The following RYK variants were observed in gnomAD, a reference collection of about 807,000 sequenced individuals.
RYK encodes receptor like tyrosine kinase.
In RYK, 21 loss-of-function variants were observed where a neutral mutation model predicts 70.2. That is an observed-to-expected ratio of 0.30 (90% confidence interval 0.21 to 0.43). The LOEUF (loss-of-function observed/expected upper bound fraction) is 0.43, where lower values mean the gene tolerates loss of function less well. RYK is among the 20% of genes least tolerant of loss of function. RYK has a pLI of 1.00. For missense variants in RYK, 604 were observed against 753.3 expected (o/e 0.80, Z 2.32); for synonymous variants, 267 against 278.0 (o/e 0.96, Z 0.39).
chr3:134,159,731 T>A (rs1202193746), intron 13 of RYK, among the ~76,000 whole-genome samples: 23 of 152,200 alleles, frequency 1.5e-4, no homozygotes, highest in Admixed American at 9.8e-4. Flanking sequence ...ATGAACAGAA[T>A]TTTAGTTTAA....
chr3:134,211,313 G>A (rs1354092760), intron 3 of RYK, among the ~76,000 whole-genome samples, 195 bp downstream of exon 3: 1 of 152,202 alleles, frequency 6.6e-6, no homozygotes, highest in Non-Finnish European at 1.5e-5. Flanking sequence ...AGCACAGAGA[G>A]TTCCAGAAGG....
chr3:134,250,430 C>T lies in RYK; in HGVS notation c.225G>A (p.Arg75=). ...SLYLSEDEVR[R]LIGLDAELYY... Reference sequence around the variant, plus strand: ...CTCGGCGGCCCCACTCACCGATCAGCCGGCGCACCTCGTCCTCGCTCAGGT... The same window carrying T: ...CTCGGCGGCCCCACTCACCGATCAGTCGGCGCACCTCGTCCTCGCTCAGGT... The change falls in exon 1 of 15, where the codon CGG becomes CGA. Residue 75 remains arginine (R), a synonymous_variant. Transcript: ENST00000623711. The T allele has an allele frequency of 7.1e-7, 1 of 1,405,208 alleles. No individual in the cohort carries two copies. The highest frequency in any genetic ancestry group is 9.3e-7 in the Non-Finnish European group (1 of 1,077,356). The allele number at this position is 1,405,208 out of a possible 1,614,324, so 87.0% of individuals were successfully genotyped here.
At chr3:134,178,977 T>C (rs2013203388) in intron 10 of RYK, 1 of 152,106 alleles carries the variant, frequency 6.6e-6, no homozygotes. Context: ...TAATAACAAA[T>C]AACAGTAACA....
At chr3:134,220,202 CAAAG>C (rs1477302465) in intron 2 of RYK, among the ~76,000 whole-genome samples, 4 of 152,048 alleles carry the variant, frequency 2.6e-5, no homozygotes, top group African/African-American at 9.7e-5. Context: ...TCAAAAAACA[CAAAG>C]AAAGGCTACG....
In RYK at chr3:134,222,439, G is replaced by C; in HGVS notation, c.333C>G (p.Phe111Leu). Residue 111 changes from phenylalanine to leucine, a missense_variant, in exon 2 of 15, where the codon TTC (phenylalanine) becomes TTG (leucine). Transcript: ENST00000623711. Reference sequence around the variant, plus strand: ...TTACCTTGGACTTCGCATGCCAGGTGAAGTGCAGGAAATTTGTCTCACTGG... The same window carrying C: ...TTACCTTGGACTTCGCATGCCAGGTCAAGTGCAGGAAATTTGTCTCACTGG... ...LVPSETNFLH[F>L]TWHAKSKVEY... The C allele has an allele frequency of 6.2e-7, 1 of 1,613,304 alleles. No individual in the cohort carries two copies. Among genetic ancestry groups the C allele is most frequent in the Non-Finnish European group, 8.5e-7 (1 of 1,179,718 alleles).
intron 2 of RYK, 38 bp from the exon 3 acceptor site, chr3:134,211,645 A>G: frequency 7.2e-7 from 1 of 1,390,344 alleles, no homozygotes; most frequent in Non-Finnish European, 1.0e-6. Context: ...TGGACCTGTG[A>G]TAACAAGAAG....
At chr3:134,201,317 G>T (rs1044794354) in intron 6 of RYK, among the ~76,000 whole-genome samples, 2 of 152,100 alleles carry the variant, frequency 1.3e-5, no homozygotes, top group Non-Finnish European at 2.9e-5. Context: ...GAGTACTAAG[G>T]GGCAGGTATT....
intron 2 of RYK, among the ~76,000 whole-genome samples, chr3:134,217,451 C>A (rs1451752963): frequency 1.3e-5 from 2 of 152,158 alleles, no homozygotes; most frequent in Non-Finnish European, 2.9e-5. Context: ...AAGCAAATCC[C>A]TTTCCAAATC....
intron 5 of RYK, among the ~76,000 whole-genome samples, chr3:134,205,598 T>C (rs1047760778): frequency 6.6e-6 from 1 of 152,182 alleles, no homozygotes; most frequent in Non-Finnish European, 1.5e-5. Flanking sequence ...TCCCCCTAGA[T>C]GCGCCCTGCT....
intron 6 of RYK, among the ~76,000 whole-genome samples, chr3:134,200,352 C>G (rs2013964750): frequency 6.6e-6 from 1 of 152,136 alleles, no homozygotes; most frequent in Non-Finnish European, 1.5e-5. Flanking sequence ...ATAACACTCA[C>G]TGCGAAGGTC....
intron 13 of RYK, among the ~76,000 whole-genome samples, chr3:134,168,628 G>C (rs970829566): frequency 4.1e-5 from 6 of 147,858 alleles, no homozygotes; most frequent in African/African-American, 1.2e-4. Context: ...CGTAGGGTAG[G>C]GGGATGGGGG....
chr3:134,177,084 AC>A (rs1171494277), intron 11 of RYK, among the ~76,000 whole-genome samples: 6 of 142,994 alleles, frequency 4.2e-5, no homozygotes, highest in African/African-American at 7.7e-5. Flanking sequence ...ACAAAAAAAA[AC>A]CACACACAAA....
Position 134,250,554 on chromosome 3 carries a change from G to A in RYK, c.101C>T (p.Ala34Val), listed in dbSNP as rs1309645126. The A allele has an allele frequency of 5.4e-6, 6 of 1,102,822 alleles. No homozygotes were observed. The highest frequency in any genetic ancestry group is 6.8e-6 in the Non-Finnish European group (6 of 883,782). The allele number at this position is 1,102,822 out of a possible 1,614,324, so 68.3% of individuals were successfully genotyped here. A position where few individuals can be genotyped will look rare whatever the true frequency, so the allele number is the denominator to read the frequency against. Reference protein sequence around the residue: ...PPPPPLLLLLALLPLLPAPGA... With the variant: ...PPPPPLLLLLVLLPLLPAPGA... ...AGGCGCGGGCAGCAGCGGCAACAGC[G>A]CAAGCAGAAGCAGCAGCGGCGGCGG... is the stretch of plus-strand genomic sequence containing the variant. Residue 34 changes from alanine (A) to valine (V), a missense_variant, in exon 1 of 15, where the codon GCG (alanine) becomes GTG (valine). Transcript: ENST00000623711.
At chr3:134,197,618 A>G (rs965769683) in intron 6 of RYK, among the ~76,000 whole-genome samples, 1 of 152,222 alleles carries the variant, frequency 6.6e-6, no homozygotes, top group Non-Finnish European at 1.5e-5. Context: ...GTACCACTCA[A>G]AAATCAAACC....
In RYK at chr3:134,209,789, A is replaced by G. The variant is rs561276306; in HGVS notation, c.495T>C (p.Ser165=). ...TGAGCTGCATTAGTATCATAACTTC[A>G]GAATCTACTTTGCCAGTACAGGAAA... ...VELSCTGKVD[S]EVMILMQLNL... The change falls in exon 4 of 15, where the codon TCT becomes TCC. Residue 165 remains serine (S), a synonymous_variant. Transcript: ENST00000623711. The G allele has an allele frequency of 5.3e-6, 8 of 1,517,210 alleles. No individual in the cohort carries two copies. The South Asian group carries it at 8.1e-5, about 15-fold the overall frequency. 94.0% of individuals were successfully genotyped at this position (1,517,210 alleles called of 1,614,324 possible).
At chr3:134,163,410 C>G (rs1029748260) in intron 13 of RYK, among the ~76,000 whole-genome samples, 1 of 152,166 alleles carries the variant, frequency 6.6e-6, no homozygotes, top group African/African-American at 2.4e-5. Flanking sequence ...TCATGCTGTT[C>G]TTTCCAGAGT....
chr3:134,234,439 A>T (rs1352770004), intron 1 of RYK, among the ~76,000 whole-genome samples: 1 of 152,172 alleles, frequency 6.6e-6, no homozygotes, highest in Non-Finnish European at 1.5e-5. Context: ...AAAGACCAAA[A>T]GAGAAGACCA....
At chr3:134,211,411 G>T in intron 3 of RYK, 97 bp downstream of exon 3, 2 of 712,802 alleles carry the variant, frequency 2.8e-6, no homozygotes, top group South Asian at 2.0e-5. Flanking sequence ...TGCCTATCAA[G>T]TAATACACAC....
chr3:134,214,802 G>C (rs2014501605), intron 2 of RYK, among the ~76,000 whole-genome samples: 1 of 152,106 alleles, frequency 6.6e-6, no homozygotes, highest in Non-Finnish European at 1.5e-5. Flanking sequence ...CACTAGTACA[G>C]AGGAACCCCA....
Sources: allele counts gnomAD v4.1 joint callset (sites outside exome capture counted in the v4.1 genomes callset), GRCh38; gene constraint gnomAD v4.1.1; transcripts MANE v1.5; gene names NCBI Gene and HGNC (gene_info 2026-07-23, HGNC 2026-07-21).